The following AGO3 variants were observed in gnomAD, a reference collection of about 807,000 sequenced individuals.
AGO3 encodes protein argonaute-3.
A neutral mutation model predicts 105.5 loss-of-function variants in AGO3; 16 were observed. The ratio of observed to expected loss-of-function variants is 0.15; its 90% CI spans 0.10 to 0.23. The LOEUF is 0.23. Among genes scored for constraint, AGO3 ranks in the 10% least tolerant of loss-of-function variants. The pLI, the probability that AGO3 is intolerant of heterozygous loss-of-function variation, is 1.00. For synonymous variants in AGO3, 340 were observed against 367.3 expected, an observed-to-expected ratio of 0.93 and a Z score of 0.85; for missense variants, 534 against 1,088.0, an observed-to-expected ratio of 0.49 and a Z score of 7.16.
Position 36,061,570 on chromosome 1 carries a change from A to G in AGO3, c.*5825A>G, listed in dbSNP as rs1457928941. 1 of 152,218 alleles carries G rather than the reference A, an allele frequency of 6.6e-6. No homozygotes were observed. Among genetic ancestry groups the G allele is most frequent in the Non-Finnish European group, 1.5e-5 (1 of 68,040 alleles). 9.4% of individuals were successfully genotyped at this position (152,218 alleles called of 1,614,324 possible). ...GAAACCCTGTTGAAGTATCAGGTAAATGGTGTGACAAAATTAGAATCCTGT... is the reference window on the plus strand; with the variant it reads ...GAAACCCTGTTGAAGTATCAGGTAAGTGGTGTGACAAAATTAGAATCCTGT... On this transcript the variant is annotated 3_prime_UTR_variant, in exon 19 of 19. Coordinates refer to ENST00000373191, the MANE Select transcript of AGO3 (RefSeq NM_024852.4).
chr1:35,968,991 A>G (rs1372861689), intron 3 of AGO3, among the ~76,000 whole-genome samples: 1 of 152,036 alleles, frequency 6.6e-6, no homozygotes, highest in Non-Finnish European at 1.5e-5. Flanking sequence ...ATGTCCCCCA[A>G]CAATTAGTGA....
chr1:36,037,302 G>A (rs1285719547), intron 14 of AGO3, among the ~76,000 whole-genome samples: 4 of 151,952 alleles, frequency 2.6e-5, no homozygotes, highest in African/African-American at 7.2e-5. Flanking sequence ...GGGGTGGATC[G>A]CTTGACGTCA....
At chr1:36,001,275 C>T (rs562836589) in intron 5 of AGO3, among the ~76,000 whole-genome samples, 36 of 151,998 alleles carry the variant, frequency 2.4e-4, no homozygotes, top group African/African-American at 8.4e-4. Flanking sequence ...AAAATAAGTA[C>T]TCATGGATGT....
intron 9 of AGO3, among the ~76,000 whole-genome samples, chr1:36,012,060 A>G (rs1488954194): frequency 2.0e-5 from 3 of 152,014 alleles, no homozygotes; most frequent in African/African-American, 4.8e-5. Flanking sequence ...CTAATTTAGA[A>G]AATGGGGCTT....
chr1:36,035,437 A>G (rs1327812945), intron 13 of AGO3, among the ~76,000 whole-genome samples: 1 of 152,132 alleles, frequency 6.6e-6, no homozygotes, highest in Non-Finnish European at 1.5e-5. Context: ...AATAAAAGGA[A>G]GTCCTAGCTT....
intron 12 of AGO3, among the ~76,000 whole-genome samples, chr1:36,031,028 A>G (rs1342301124): frequency 1.3e-5 from 2 of 152,210 alleles, no homozygotes; most frequent in Non-Finnish European, 2.9e-5. Context: ...TCACTTATCC[A>G]TAAGCTATAA....
At chr1:36,021,803 A>G (rs1352358769) in intron 11 of AGO3, among the ~76,000 whole-genome samples, 1 of 152,186 alleles carries the variant, frequency 6.6e-6, no homozygotes, top group Non-Finnish European at 1.5e-5. Context: ...ATTATTTGAT[A>G]GAGAGGAGAC....
rs1259045625 is a variant in AGO3, at chr1:36,070,392, T to C, written c.*14647T>C. The C allele has an allele frequency of 6.6e-6, 1 of 152,250 alleles. No homozygotes were observed. Among genetic ancestry groups the C allele is most frequent in the Non-Finnish European group, 1.5e-5 (1 of 68,048 alleles). 9.4% of individuals were successfully genotyped at this position (152,250 alleles called of 1,614,324 possible). A position where few individuals can be genotyped will look rare whatever the true frequency, so the allele number is the denominator to read the frequency against. On this transcript the variant is annotated 3_prime_UTR_variant, in exon 19 of 19. Coordinates refer to ENST00000373191, the MANE Select transcript of AGO3 (RefSeq NM_024852.4). ...GCACCTGCAGGTCATATCAGGTGTC[T>C]GATGCAGTTACCTTTATAGATCGTG...
intron 5 of AGO3, among the ~76,000 whole-genome samples, chr1:35,992,811 A>T (rs141408654): frequency 6.6e-6 from 1 of 152,226 alleles, no homozygotes; most frequent in East Asian, 1.9e-4. Context: ...CACATTTTCT[A>T]TGAGTTAGGA....
intron 6 of AGO3, among the ~76,000 whole-genome samples, chr1:36,005,293 C>T (rs530652158): frequency 7.2e-5 from 11 of 152,248 alleles, no homozygotes; most frequent in African/African-American, 2.6e-4. Flanking sequence ...AGTTTGTTCA[C>T]TGAACATCTT....
rs1171168428 is a variant in AGO3, at chr1:35,931,129, C to A, written c.-298C>A. 3 of 396,552 alleles carry A rather than the reference C, an allele frequency of 7.6e-6. No individual in the cohort carries two copies. Among genetic ancestry groups the A allele is most frequent in the East Asian group, 3.6e-5 (1 of 27,972 alleles). 24.6% of individuals were successfully genotyped at this position (396,552 alleles called of 1,614,324 possible). A position where few individuals can be genotyped will look rare whatever the true frequency, so the allele number is the denominator to read the frequency against. ...CAGGTCGGCGGCGGCGGCCCGCAGT[C>A]GTGGAGGAGCGGTGGGAGCGTCGGC... On this transcript the variant is annotated 5_prime_UTR_variant, in exon 1 of 19. Coordinates refer to ENST00000373191, the MANE Select transcript of AGO3 (RefSeq NM_024852.4).
chr1:36,005,867 A>G, intron 6 of AGO3: 1 of 985,310 alleles, frequency 1.0e-6, no homozygotes, highest in Non-Finnish European at 1.2e-6. Context: ...AGGTAAAGCC[A>G]AGTTTATAGG....
chr1:35,989,353 A>T (rs72661646), intron 5 of AGO3, among the ~76,000 whole-genome samples: 7,219 of 152,232 alleles, frequency 0.047, 259 homozygotes, highest in South Asian at 0.084. Flanking sequence ...TAAGACTCAA[A>T]ATTTTTTGTT....
intron 11 of AGO3, among the ~76,000 whole-genome samples, chr1:36,015,564 T>C (rs1263290754): frequency 6.6e-6 from 1 of 152,224 alleles, no homozygotes; most frequent in Admixed American, 6.5e-5. Flanking sequence ...TGAAGCTACC[T>C]ATAGGCTACC....
rs1643089134 is a variant in AGO3, at chr1:36,066,164, C to T, written c.*10419C>T. On this transcript the variant is annotated 3_prime_UTR_variant, in exon 19 of 19. Coordinates refer to ENST00000373191, the MANE Select transcript of AGO3 (RefSeq NM_024852.4). The stretch of plus-strand genomic sequence containing the variant: ...AGAGCCTTGCTTTTTAAATTTTATT[C>T]TTTCCAAAAATTGGCGGTATGCTAT... 1.3e-5 allele frequency: 2 copies of T among 152,078 alleles called. No individual in the cohort carries two copies. 9.4% of individuals were successfully genotyped at this position (152,078 alleles called of 1,614,324 possible).
chr1:36,065,286 A>G lies in AGO3; in HGVS notation c.*9541A>G, dbSNP rs1359696473. The G allele has an allele frequency of 6.6e-6, 1 of 152,240 alleles. No individual in the cohort carries two copies. The highest frequency in any genetic ancestry group is 1.5e-5 in the Non-Finnish European group (1 of 68,066). The allele number at this position is 152,240 out of a possible 1,614,324, so 9.4% of individuals were successfully genotyped here. On this transcript the variant is annotated 3_prime_UTR_variant, in exon 19 of 19. Transcript: ENST00000373191. ...ATTTCAACATGTCCAAGGTTAGCAGACATGTAGTTCCTGAAAACCAACATT... is the reference window on the plus strand; with the variant it reads ...ATTTCAACATGTCCAAGGTTAGCAGGCATGTAGTTCCTGAAAACCAACATT...
intron 11 of AGO3, among the ~76,000 whole-genome samples, chr1:36,015,045 A>G (rs1208169470): frequency 6.6e-6 from 1 of 152,084 alleles, no homozygotes; most frequent in Non-Finnish European, 1.5e-5. Flanking sequence ...TTATTACACT[A>G]TCTTCCTGGA....
intron 5 of AGO3, among the ~76,000 whole-genome samples, chr1:35,995,199 T>TAA (rs1295296314): frequency 0.026 from 2,826 of 110,484 alleles, 48 homozygotes; most frequent in East Asian, 0.042. Context: ...AGACACTGTC[T>TAA]AAAAAAAAAA....
intron 5 of AGO3, among the ~76,000 whole-genome samples, chr1:35,988,884 T>C (rs1397426129): frequency 6.6e-6 from 1 of 152,162 alleles, no homozygotes; most frequent in Non-Finnish European, 1.5e-5. Flanking sequence ...GCAACAAGGG[T>C]TTATTAATTG....
Sources: gnomAD v4.1 joint callset for allele counts (sites outside exome capture counted in the v4.1 genomes callset) on GRCh38, gnomAD v4.1.1 for gene constraint, MANE v1.5 for transcripts, NCBI Gene and HGNC (gene_info 2026-07-23, HGNC 2026-07-21) for gene names.